Variants in SLC6A6 observed in about 807,000 individuals in gnomAD.
SLC6A6 encodes sodium- and chloride-dependent taurine transporter.
Under a neutral mutation model 68.8 loss-of-function variants are expected in SLC6A6, and 16 were observed. The ratio of observed to expected loss-of-function variants is 0.23; its 90% CI spans 0.16 to 0.35. The LOEUF (loss-of-function observed/expected upper bound fraction) is 0.35, where lower values mean the gene tolerates loss of function less well. SLC6A6 is among the 10% of genes least tolerant of loss of function. The pLI is 1.00. For synonymous variants in SLC6A6, 312 were observed against 315.4 expected (o/e 0.99, Z 0.12); for missense variants, 474 against 802.8 (o/e 0.59, Z 4.95).
At chr3:14,408,998 CAG>C (rs1279676758) in intron 1 of SLC6A6, among the ~76,000 whole-genome samples, 1 of 152,132 alleles carries the variant, frequency 6.6e-6, no homozygotes, top group Non-Finnish European at 1.5e-5. Flanking sequence ...TTAGTAGAGA[CAG>C]AGTTTCACCA....
At chr3:14,482,372 C>G (rs1310917364) in intron 14 of SLC6A6, among the ~76,000 whole-genome samples, 1 of 152,236 alleles carries the variant, frequency 6.6e-6, no homozygotes, top group African/African-American at 2.4e-5. Context: ...AGACCTCTGC[C>G]TCTGTGCCTG....
intron 5 of SLC6A6, among the ~76,000 whole-genome samples, chr3:14,457,394 C>A (rs778123920): frequency 2.0e-5 from 3 of 152,236 alleles, no homozygotes; most frequent in Non-Finnish European, 4.4e-5. Flanking sequence ...GTGCTAGCTG[C>A]ATCCCAGACC....
rs956605594 is a variant in SLC6A6 at position 14,426,016 on chromosome 3, C to T, written c.-12+9563C>T. The stretch of plus-strand genomic sequence containing the variant: ...GCGCAGCCAGGGCTGTTAGCTGCTG[C>T]TCTTATGATTGAGGCCAGCTGCCAC... On this transcript the variant is annotated intron_variant, in intron 2 of 14. Transcript: ENST00000622186. Among the ~76,000 whole-genome samples, 7 of 152,152 alleles carry T rather than the reference C, an allele frequency of 4.6e-5. No individual in the cohort carries two copies. The East Asian group carries it at 7.7e-4, about 17-fold the overall frequency.
chr3:14,484,279 G>A (rs1701083474), intron 14 of SLC6A6, among the ~76,000 whole-genome samples: 1 of 152,206 alleles, frequency 6.6e-6, no homozygotes, highest in African/African-American at 2.4e-5. Flanking sequence ...TGGAAGGGCA[G>A]CTCAAATGCG....
intron 2 of SLC6A6, among the ~76,000 whole-genome samples, chr3:14,441,409 A>G (rs1034664607): frequency 1.5e-4 from 23 of 152,114 alleles, no homozygotes; most frequent in African/African-American, 5.6e-4. Flanking sequence ...TACAGTAGCC[A>G]TTGGCCTGTC....
intron 5 of SLC6A6, chr3:14,448,233 G>C (rs1301200339): frequency 1.0e-5 from 3 of 299,690 alleles, no homozygotes; most frequent in Non-Finnish European, 1.0e-5. Context: ...TGAGTAGGTA[G>C]AGTGAAAAAG....
chr3:14,426,677 G>A (rs949399066), intron 2 of SLC6A6, among the ~76,000 whole-genome samples: 3 of 152,222 alleles, frequency 2.0e-5, no homozygotes, highest in African/African-American at 7.2e-5. Flanking sequence ...GACAATGTCA[G>A]CTGCAGTTAT....
intron 5 of SLC6A6, among the ~76,000 whole-genome samples, chr3:14,453,278 T>A (rs975422787): frequency 6.6e-6 from 1 of 152,220 alleles, no homozygotes; most frequent in African/African-American, 2.4e-5. Flanking sequence ...CTTTTTTGGA[T>A]CCCACCCTGG....
rs180785444 is a variant in SLC6A6 at position 14,448,791 on chromosome 3, G to A, written c.599+975G>A. On this transcript the variant is annotated intron_variant, in intron 5 of 14. Coordinates refer to ENST00000622186, the MANE Select transcript of SLC6A6 (RefSeq NM_003043.6). ...ATCTTGGGGAACTCTTGAGTGAGCT[G>A]ATGTGTGGAGACATTCTTCTAACAT... Among the ~76,000 whole-genome samples, 246 of 152,336 alleles carry A rather than the reference G, an allele frequency of 1.6e-3. 1 individual carries two copies. Among genetic ancestry groups the A allele is most frequent in the African/African-American group, 5.8e-3 (240 of 41,572 alleles).
chr3:14,419,131 T>C (rs1182911295), intron 2 of SLC6A6, among the ~76,000 whole-genome samples: 1 of 152,186 alleles, frequency 6.6e-6, no homozygotes, highest in Non-Finnish European at 1.5e-5. Flanking sequence ...GGCTTGCTGA[T>C]GTATTTGCGC....
chr3:14,464,596 C>G (rs1337865800), intron 6 of SLC6A6, among the ~76,000 whole-genome samples: 5 of 152,200 alleles, frequency 3.3e-5, no homozygotes, highest in Non-Finnish European at 5.9e-5. Flanking sequence ...ATTGTTTCTA[C>G]TCAAAGGGAT....
In SLC6A6 at chr3:14,477,739, G is replaced by A. The variant is rs922283935; in HGVS notation, c.1347+397G>A. Among the ~76,000 whole-genome samples the A allele has an allele frequency of 2.6e-5, 4 of 152,292 alleles. 1 individual carries two copies. On this transcript the variant is annotated intron_variant, in intron 11 of 14. Transcript: ENST00000622186. The surrounding 1 kb of genome is among the most constrained non-coding windows in gnomAD (Gnocchi z 4.2). ...AGGAAATACCACAGCACCACGTAGA[G>A]GTGCACCACCTTGCAGGTCACCTGC...
At chr3:14,446,555 A>G (rs1700125631) in intron 4 of SLC6A6, among the ~76,000 whole-genome samples, 1 of 152,166 alleles carries the variant, frequency 6.6e-6, no homozygotes, top group African/African-American at 2.4e-5. Context: ...CTGAATCTAA[A>G]CAAGAAAAAA....
intron 5 of SLC6A6, among the ~76,000 whole-genome samples, chr3:14,448,903 G>T (rs1268387871): frequency 6.6e-6 from 1 of 152,258 alleles, no homozygotes; most frequent in Admixed American, 6.5e-5. Context: ...CTCAAGTGCA[G>T]CCCCTTGACC....
chr3:14,403,305 TGA>T (rs997142664), intron 1 of SLC6A6, among the ~76,000 whole-genome samples: 4 of 152,146 alleles, frequency 2.6e-5, no homozygotes, highest in Non-Finnish European at 5.9e-5. Context: ...GTGTGATACC[TGA>T]GTGTGCTGTC....
Position 14,408,339 on chromosome 3 carries a change from CT to C in SLC6A6, c.-54+5505del, listed in dbSNP as rs1448103837. ...GATTGACAGTCTATCATATCTCTTT[CT>C]TTTTTTTTTTTTGAGACAGAGTCTT... On this transcript the variant is annotated intron_variant, in intron 1 of 14. Coordinates refer to ENST00000622186, the MANE Select transcript of SLC6A6 (RefSeq NM_003043.6). 4.9e-3 allele frequency among the ~76,000 whole-genome samples: 720 copies of C among 145,780 alleles called. 1 individual carries two copies. Among genetic ancestry groups the C allele is most frequent in the Non-Finnish European group, 7.1e-3 (464 of 65,754 alleles).
intron 2 of SLC6A6, among the ~76,000 whole-genome samples, chr3:14,437,138 G>A (rs570754846): frequency 1.3e-5 from 2 of 152,242 alleles, no homozygotes; most frequent in South Asian, 4.1e-4. Context: ...CCCACTGAGG[G>A]GATTAGCTAA....
chr3:14,424,427 C>G (rs1217838548), intron 2 of SLC6A6, among the ~76,000 whole-genome samples: 1 of 151,714 alleles, frequency 6.6e-6, no homozygotes, highest in African/African-American at 2.4e-5. Context: ...ACAGTGAGGG[C>G]ATTCCCAGTA....
intron 13 of SLC6A6, among the ~76,000 whole-genome samples, 185 bp downstream of exon 13, chr3:14,479,370 G>A (rs930246369): frequency 6.6e-6 from 1 of 152,212 alleles, no homozygotes; most frequent in Non-Finnish European, 1.5e-5. Context: ...GAGTTTTGAA[G>A]GATAAGTAGG....
Sources: gnomAD v4.1 joint callset for allele counts (sites outside exome capture counted in the v4.1 genomes callset) on GRCh38, gnomAD v4.1.1 for gene constraint, Gnocchi (gnomAD v3.1) non-coding constraint, MANE v1.5 for transcripts, NCBI Gene and HGNC (gene_info 2026-07-23, HGNC 2026-07-21) for gene names.